The following UBAC2 variants were observed in gnomAD, a reference collection of about 807,000 sequenced individuals.
UBAC2 encodes the protein UBA domain containing 2.
Under a neutral mutation model 44.0 loss-of-function variants are expected in UBAC2, and 26 were observed. The observed-to-expected ratio is 0.59, with a 90% confidence interval of 0.43 to 0.82. The LOEUF (loss-of-function observed/expected upper bound fraction) is 0.82, where lower values mean the gene tolerates loss of function less well. UBAC2 is among the 40% of genes least tolerant of loss of function. The pLI is 0.00. For missense variants in UBAC2, 329 were observed against 419.4 expected, an observed-to-expected ratio of 0.78 and a Z score of 1.88; for synonymous variants, 155 against 154.3, an observed-to-expected ratio of 1.00 and a Z score of -0.04.
At chr13:99,202,021 C>T (rs1489362075) in intron 1 of UBAC2, among the ~76,000 whole-genome samples, 2 of 144,050 alleles carry the variant, frequency 1.4e-5, no homozygotes, top group Non-Finnish European at 3.0e-5. Context: ...TGCAGCGAGC[C>T]GAGATTGCGC....
At chr13:99,287,840 C>T (rs2044039926) in intron 4 of UBAC2, among the ~76,000 whole-genome samples, 1 of 152,002 alleles carries the variant, frequency 6.6e-6, no homozygotes, top group Non-Finnish European at 1.5e-5. Flanking sequence ...CCTTCTTGCC[C>T]TTGCTCCCTT....
At chr13:99,336,875 A>G (rs1480288619) in intron 6 of UBAC2, among the ~76,000 whole-genome samples, 1 of 151,990 alleles carries the variant, frequency 6.6e-6, no homozygotes, top group African/African-American at 2.4e-5. Context: ...GGTACAGACC[A>G]TGCCTGGCCA....
intron 4 of UBAC2, among the ~76,000 whole-genome samples, chr13:99,265,163 A>C (rs1281794741): frequency 6.6e-6 from 1 of 152,202 alleles, no homozygotes; most frequent in East Asian, 1.9e-4. Flanking sequence ...TTGTATGCTT[A>C]TAAAATAAAA....
At chr13:99,230,122 T>C (rs911695839) in intron 1 of UBAC2, among the ~76,000 whole-genome samples, 7 of 152,206 alleles carry the variant, frequency 4.6e-5, no homozygotes, top group African/African-American at 1.7e-4. Flanking sequence ...ACTATTTTAG[T>C]GTACTGTTGC....
In UBAC2 at chr13:99,255,182, T is replaced by G. The variant is rs369995186; in HGVS notation, c.389+10558T>G. 10 of 1,614,026 alleles carry G rather than the reference T, an allele frequency of 6.2e-6. No homozygotes were observed. The African/African-American group carries it at 1.1e-4, about 17-fold the overall frequency. On this transcript the variant is annotated intron_variant, in intron 4 of 8. Coordinates refer to ENST00000403766, the MANE Select transcript of UBAC2 (RefSeq NM_001144072.2). ...ACCAGCAGCGTGATGATGATCCTTA[T>G]GGACTTCTCCTTGACTTTGGGTTTC...
intron 6 of UBAC2, among the ~76,000 whole-genome samples, chr13:99,329,022 C>T (rs1440484913): frequency 6.6e-6 from 1 of 152,208 alleles, no homozygotes; most frequent in African/African-American, 2.4e-5. Context: ...TTCTTTTCCA[C>T]ACAGATACTC....
chr13:99,287,617 C>G (rs2044034437), intron 4 of UBAC2, among the ~76,000 whole-genome samples: 3 of 138,592 alleles, frequency 2.2e-5, no homozygotes, highest in Admixed American at 2.1e-4. Flanking sequence ...GGAAAAATAT[C>G]TTTCTTTCTT....
At chr13:99,214,865 G>T (rs1328464628) in intron 1 of UBAC2, among the ~76,000 whole-genome samples, 1 of 152,138 alleles carries the variant, frequency 6.6e-6, no homozygotes, top group Non-Finnish European at 1.5e-5. Context: ...CCCCACTGCT[G>T]TCATGCTTGT....
At chr13:99,247,438 T>A (rs2043400524) in intron 4 of UBAC2, among the ~76,000 whole-genome samples, 1 of 151,696 alleles carries the variant, frequency 6.6e-6, no homozygotes. Context: ...ATGGTCTCGA[T>A]CTCCTGACCT....
chr13:99,359,823 C>A (rs556143486), intron 7 of UBAC2, among the ~76,000 whole-genome samples: 23 of 152,340 alleles, frequency 1.5e-4, no homozygotes, highest in African/African-American at 5.5e-4. Context: ...GTCACATCGC[C>A]CTTCGCTGCC....
chr13:99,357,537 T>G (rs941474164), intron 7 of UBAC2, among the ~76,000 whole-genome samples: 1 of 152,236 alleles, frequency 6.6e-6, no homozygotes, highest in Non-Finnish European at 1.5e-5. Flanking sequence ...TGAGTAAAAC[T>G]AAGTGTAAGC....
intron 4 of UBAC2, chr13:99,313,082 C>T (rs1364532458): frequency 2.6e-5 from 4 of 152,222 alleles, no homozygotes; most frequent in East Asian, 1.9e-4. Flanking sequence ...CCTGGATTCA[C>T]GCCATTCTCC....
At chr13:99,344,418 A>G (rs573185226) in intron 7 of UBAC2, among the ~76,000 whole-genome samples, 1 of 152,282 alleles carries the variant, frequency 6.6e-6, no homozygotes, top group South Asian at 2.1e-4. Context: ...TTTTGCTTCC[A>G]TCTTCTTCTT....
At chr13:99,330,472 A>AAAAAAAAAAAAAG (rs1206715388) in intron 6 of UBAC2, among the ~76,000 whole-genome samples, 1 of 149,298 alleles carries the variant, frequency 6.7e-6, no homozygotes. Context: ...AAAAAAAAAA[A>AAAAAAAAAAAAAG]AAAAGAAATA....
chr13:99,203,098 T>G (rs1465897846), intron 1 of UBAC2, among the ~76,000 whole-genome samples: 1 of 151,936 alleles, frequency 6.6e-6, no homozygotes, highest in Non-Finnish European at 1.5e-5. Context: ...AGTGCAGTGG[T>G]GGATCTCCGC....
intron 4 of UBAC2, among the ~76,000 whole-genome samples, chr13:99,303,999 C>T (rs1182246649): frequency 1.3e-5 from 2 of 152,242 alleles, no homozygotes; most frequent in East Asian, 3.9e-4. Context: ...TGTTGTGTGC[C>T]ATTCCCGCCC....
chr13:99,290,759 A>G (rs573372244), intron 4 of UBAC2, among the ~76,000 whole-genome samples: 5 of 152,050 alleles, frequency 3.3e-5, no homozygotes, highest in Admixed American at 2.0e-4. Context: ...GAAAGAAAGA[A>G]AAAGAAAAGA....
chr13:99,353,441 A>G (rs963725692), intron 7 of UBAC2, among the ~76,000 whole-genome samples: 1 of 152,230 alleles, frequency 6.6e-6, no homozygotes, highest in Non-Finnish European at 1.5e-5. Context: ...CCTTGAGAAA[A>G]TCATTTCTAT....
chr13:99,258,628 A>G (rs2138636910), intron 4 of UBAC2: 1 of 152,344 alleles, frequency 6.6e-6, no homozygotes, highest in South Asian at 2.1e-4. Flanking sequence ...AAGGGGGTTT[A>G]AAGTCTAGCT....
Sources: allele counts gnomAD v4.1 joint callset (sites outside exome capture counted in the v4.1 genomes callset), GRCh38; gene constraint gnomAD v4.1.1; transcripts MANE v1.5; gene names NCBI Gene and HGNC (gene_info 2026-07-23, HGNC 2026-07-21).